TAB2: variants seen among roughly 807,000 people sequenced by gnomAD.
The protein encoded by TAB2 is TGF-beta activated kinase 1 (MAP3K7) binding protein 2, also known as TGF-beta-activated kinase 1 and MAP3K7-binding protein 2.
In TAB2, 3 loss-of-function variants were observed where a neutral mutation model predicts 65.0. That is an observed-to-expected ratio of 0.05 (90% CI 0.02 to 0.12). The LOEUF (loss-of-function observed/expected upper bound fraction) is 0.12, where lower values mean the gene tolerates loss of function less well. Among genes scored for constraint, TAB2 ranks in the 10% least tolerant of loss-of-function variants. TAB2 has a pLI of 1.00. For synonymous variants in TAB2, 298 were observed against 285.1 expected (o/e 1.05, Z -0.46); for missense variants, 623 against 840.3 (o/e 0.74, Z 3.20).
At chr6:149,394,458 G>A (rs1782101490) in intron 3 of TAB2, among the ~76,000 whole-genome samples, 1 of 152,040 alleles carries the variant, frequency 6.6e-6, no homozygotes, top group Non-Finnish European at 1.5e-5. Context: ...TCTTGATGAT[G>A]AATTACATTT....
At chr6:149,249,594 CTCTT>C (rs934192815) in intron 1 of TAB2, among the ~76,000 whole-genome samples, 33 of 152,052 alleles carry the variant, frequency 2.2e-4, no homozygotes, top group African/African-American at 7.5e-4. Context: ...GTCTCCCTCT[CTCTT>C]TCTGTCTCTC....
intron 1 of TAB2, among the ~76,000 whole-genome samples, chr6:149,295,374 C>G (rs936397438): frequency 6.6e-6 from 1 of 152,052 alleles, no homozygotes; most frequent in Non-Finnish European, 1.5e-5. Context: ...GTTTAATTTA[C>G]CCGGTTTGAG....
At chr6:149,353,040 T>C (rs116625571) in intron 1 of TAB2, among the ~76,000 whole-genome samples, 2,397 of 152,302 alleles carry the variant, frequency 0.016, 53 homozygotes, top group South Asian at 0.096. Context: ...ATCATCAGCC[T>C]TGTAAAATGG....
chr6:149,248,076 T>C (rs898515063), intron 1 of TAB2, among the ~76,000 whole-genome samples: 1 of 151,804 alleles, frequency 6.6e-6, no homozygotes, highest in African/African-American at 2.4e-5. Context: ...TAAAGTAAAA[T>C]AAAATAAAAG....
At chr6:149,259,798 T>C (rs1228188718) in intron 1 of TAB2, among the ~76,000 whole-genome samples, 1 of 152,198 alleles carries the variant, frequency 6.6e-6, no homozygotes, top group Non-Finnish European at 1.5e-5. Flanking sequence ...ATGATACAAG[T>C]GGCCCAAAGC....
intron 1 of TAB2, among the ~76,000 whole-genome samples, chr6:149,277,596 T>C (rs1778499742): frequency 6.6e-6 from 1 of 151,902 alleles, no homozygotes; most frequent in Non-Finnish European, 1.5e-5. Context: ...AAGACAAGAG[T>C]CTACTTTCAC....
chr6:149,248,399 G>C (rs1472864503), intron 1 of TAB2, among the ~76,000 whole-genome samples: 1 of 145,168 alleles, frequency 6.9e-6, no homozygotes, highest in Non-Finnish European at 1.5e-5. Context: ...CAAAAAAAGA[G>C]AGAGACAGAG....
chr6:149,406,114 G>C (rs1389119605), intron 6 of TAB2, among the ~76,000 whole-genome samples: 9 of 152,196 alleles, frequency 5.9e-5, no homozygotes, highest in African/African-American at 2.2e-4. Context: ...CAGCAAACAC[G>C]TGGTGAATCA....
chr6:149,312,718 G>C (rs1475217138), upstream of TAB2, among the ~76,000 whole-genome samples: 8 of 152,200 alleles, frequency 5.3e-5, no homozygotes, highest in East Asian at 1.5e-3. Flanking sequence ...TGAGAGGATG[G>C]AGGCCACCAC....
rs1455339290 is a variant in TAB2, at chr6:149,357,969, A to T, written c.-89-11940A>T. On this transcript the variant is annotated intron_variant, in intron 1 of 6. Coordinates refer to ENST00000637181, the MANE Select transcript of TAB2 (RefSeq NM_001292034.3). The stretch of plus-strand genomic sequence containing the variant: ...ACCTGCCTTGGCCTCCCAAAGTGCC[A>T]GGATTACAGGCGTGAGCCATCACGC... 2.6e-5 allele frequency among the ~76,000 whole-genome samples: 4 copies of T among 152,136 alleles called. No homozygotes were observed. The East Asian group carries it at 7.7e-4, about 29-fold the overall frequency.
Position 149,398,129 on chromosome 6 carries a change from A to G in TAB2, c.1858+67A>G, listed in dbSNP as rs1360603179. 6 of 1,272,744 alleles carry G rather than the reference A, an allele frequency of 4.7e-6. No homozygotes were observed. The Admixed American group carries it at 8.9e-5, about 19-fold the overall frequency. 78.8% of individuals were successfully genotyped at this position (1,272,744 alleles called of 1,614,324 possible). ...ATTCACCAGCAGTTTTTCTGTGGCT[A>G]AAAACAGACTTATCAATCATAATCT... On this transcript the variant is annotated intron_variant, in intron 5 of 6. Transcript: ENST00000637181.
At chr6:149,383,155 A>T (rs1232313163) in intron 3 of TAB2, among the ~76,000 whole-genome samples, 1 of 152,130 alleles carries the variant, frequency 6.6e-6, no homozygotes, top group Admixed American at 6.5e-5. Flanking sequence ...TTCCGTCTCA[A>T]AAAAATAAAG....
rs74444923 is a variant in TAB2 at position 149,382,690 on chromosome 6, C to A, written c.1603+3172C>A. 3.6e-4 allele frequency among the ~76,000 whole-genome samples: 55 copies of A among 152,184 alleles called. No individual in the cohort carries two copies. In the East Asian group the frequency reaches 8.1e-3, roughly 22 times the overall value. ...TTTCTTTCCAGATTTTCATAATAAA[C>A]CCTCTGGAAAGATATTTTAAGTGTA... On this transcript the variant is annotated intron_variant, in intron 3 of 6. Transcript: ENST00000637181.
At chr6:149,366,507 G>GT (rs1781044621) in intron 1 of TAB2, among the ~76,000 whole-genome samples, 1 of 152,148 alleles carries the variant, frequency 6.6e-6, no homozygotes, top group African/African-American at 2.4e-5. Flanking sequence ...AAGACTGCAG[G>GT]TTTTTTATCT....
intron 1 of TAB2, chr6:149,230,204 A>C (rs1286227795): frequency 1.3e-5 from 2 of 152,224 alleles, no homozygotes; most frequent in African/African-American, 4.8e-5. Flanking sequence ...GTACTTCTTC[A>C]GTTTCATCCT....
chr6:149,307,766 T>A (rs1001507746), intron 1 of TAB2, among the ~76,000 whole-genome samples: 6 of 152,220 alleles, frequency 3.9e-5, no homozygotes, highest in Admixed American at 6.5e-5. Flanking sequence ...TTTTGAATAA[T>A]TTTATTTTGA....
chr6:149,325,831 C>T (rs1779599920), intron 1 of TAB2, among the ~76,000 whole-genome samples: 1 of 152,332 alleles, frequency 6.6e-6, no homozygotes, highest in African/African-American at 2.4e-5. Flanking sequence ...TCTTGACCTC[C>T]CAGGCTCAAG....
chr6:149,377,103 T>A lies in TAB2; in HGVS notation c.103-915T>A, dbSNP rs901018586. 2.0e-5 allele frequency among the ~76,000 whole-genome samples: 3 copies of A among 147,890 alleles called. No homozygotes were observed. The Admixed American group carries it at 2.0e-4, about 10-fold the overall frequency. Reference sequence around the variant, plus strand: ...TTTTTTTTTTGAGACAGAGTCTCGCTCTGTCACCCAGGCTGGAGTGCAGTG... The same window carrying A: ...TTTTTTTTTTGAGACAGAGTCTCGCACTGTCACCCAGGCTGGAGTGCAGTG... On this transcript the variant is annotated intron_variant, in intron 2 of 6. Coordinates refer to ENST00000637181, the MANE Select transcript of TAB2 (RefSeq NM_001292034.3).
chr6:149,400,468 A>G, intron 6 of TAB2: 1 of 1,614,246 alleles, frequency 6.2e-7, no homozygotes, highest in Non-Finnish European at 8.5e-7. Context: ...GCGGGACAGG[A>G]TGGTTCTGTG....
Sources: allele counts gnomAD v4.1 joint callset (sites outside exome capture counted in the v4.1 genomes callset), GRCh38; gene constraint gnomAD v4.1.1; transcripts MANE v1.5; gene names NCBI Gene and HGNC (gene_info 2026-07-23, HGNC 2026-07-21).